NXPH1: variants seen among roughly 807,000 people sequenced by gnomAD.
The protein encoded by NXPH1 is neurexophilin-1.
A neutral mutation model predicts 23.7 loss-of-function variants in NXPH1; 5 were observed. The ratio of observed to expected loss-of-function variants is 0.21; its 90% CI spans 0.11 to 0.44. NXPH1 has a LOEUF of 0.44. Among genes scored for constraint, NXPH1 ranks in the 20% least tolerant of loss-of-function variants. The probability of loss-of-function intolerance (pLI) is 0.99; values close to 1 mark genes in which losing one functional copy is unlikely to be tolerated. For missense variants in NXPH1, 324 were observed against 321.6 expected (o/e 1.01, Z -0.06); for synonymous variants, 144 against 122.2 (o/e 1.18, Z -1.18).
chr7:8,472,957 T>G (rs1343003779), intron 2 of NXPH1, among the ~76,000 whole-genome samples: 1 of 152,154 alleles, frequency 6.6e-6, no homozygotes, highest in Non-Finnish European at 1.5e-5. Context: ...ATATGGCCAA[T>G]CTACCTTGTC....
At chr7:8,726,496 C>G (rs1009829586) in intron 2 of NXPH1, among the ~76,000 whole-genome samples, 2 of 124,760 alleles carry the variant, frequency 1.6e-5, no homozygotes, top group Non-Finnish European at 3.3e-5. Context: ...TCCCCCCACC[C>G]CACAACAGTC....
At chr7:8,577,981 C>T (rs899730011) in intron 2 of NXPH1, among the ~76,000 whole-genome samples, 3 of 152,184 alleles carry the variant, frequency 2.0e-5, no homozygotes, top group Non-Finnish European at 4.4e-5. Context: ...CCCAGCGGAC[C>T]TCAGACAGAA....
In NXPH1 at chr7:8,435,739, T is replaced by C. The variant is rs1326020622; in HGVS notation, c.26T>C (p.Leu9Pro). 6.2e-7 allele frequency: 1 copy of C among 1,613,870 alleles called. No homozygotes were observed. Among genetic ancestry groups the C allele is most frequent in the South Asian group, 1.1e-5 (1 of 91,070 alleles). The change falls in exon 2 of 3, where the codon CTT (leucine) becomes CCT (proline). Residue 9 changes from leucine (L) to proline (P), a missense_variant. Coordinates refer to ENST00000405863, the MANE Select transcript of NXPH1 (RefSeq NM_152745.3). This position sits in a 1 kb window ranked among gnomAD's most constrained non-coding sequence, Gnocchi z 5.9. MQAACWYV[L>P]FLLQPTVYLV... The stretch of plus-strand genomic sequence containing the variant: ...ATGCAGGCTGCGTGCTGGTACGTGC[T>C]TTTCCTCCTGCAGCCCACCGTCTAC...
chr7:8,476,568 A>G (rs1208186234), intron 2 of NXPH1, among the ~76,000 whole-genome samples: 1 of 151,770 alleles, frequency 6.6e-6, no homozygotes, highest in Non-Finnish European at 1.5e-5. Context: ...TTTGATATAT[A>G]GGTGTTATGT....
intron 2 of NXPH1, among the ~76,000 whole-genome samples, chr7:8,680,565 A>AAAATG (rs1177361083): frequency 2.6e-4 from 40 of 152,384 alleles, no homozygotes; most frequent in African/African-American, 9.4e-4. Flanking sequence ...AAAGCATTTT[A>AAAATG]AAATGAAACA....
intron 2 of NXPH1, among the ~76,000 whole-genome samples, chr7:8,497,335 T>C (rs924490202): frequency 2.6e-5 from 4 of 152,310 alleles, no homozygotes; most frequent in African/African-American, 9.6e-5. Flanking sequence ...TGTACATGTG[T>C]CTTTATAGCA....
rs116246461 is a variant in NXPH1, at chr7:8,557,705, G to T, written c.54+121938G>T. On this transcript the variant is annotated intron_variant, in intron 2 of 2. Transcript: ENST00000405863. ...AAAAACATTTCCTTCTCAAGTAGCT[G>T]CTACCTTCTAAAGGCAGGACAAACC... Among the ~76,000 whole-genome samples, 326 of 151,710 alleles carry T rather than the reference G, an allele frequency of 2.1e-3. 1 individual carries two copies. The highest frequency in any genetic ancestry group is 6.8e-3 in the African/African-American group (281 of 41,474).
At chr7:8,576,466 C>T (rs182427346) in intron 2 of NXPH1, among the ~76,000 whole-genome samples, 1 of 152,192 alleles carries the variant, frequency 6.6e-6, no homozygotes, top group East Asian at 1.9e-4. Flanking sequence ...CGCAAGGAAA[C>T]CTTTCTTGAA....
intron 2 of NXPH1, among the ~76,000 whole-genome samples, chr7:8,614,712 T>C (rs1819697882): frequency 6.6e-6 from 1 of 151,968 alleles, no homozygotes; most frequent in South Asian, 2.1e-4. Flanking sequence ...AAAGTTGCCA[T>C]AAATATTTTA....
At chr7:8,699,383 C>A (rs951148469) in intron 2 of NXPH1, among the ~76,000 whole-genome samples, 1 of 151,950 alleles carries the variant, frequency 6.6e-6, no homozygotes, top group Non-Finnish European at 1.5e-5. Context: ...CTGATTTTCC[C>A]TTTGCAAATT....
chr7:8,745,197 C>T (rs1328130818), intron 2 of NXPH1, among the ~76,000 whole-genome samples: 2 of 152,056 alleles, frequency 1.3e-5, no homozygotes, highest in Non-Finnish European at 2.9e-5. Context: ...TTCTTTTTTT[C>T]CCCTTTCTTT....
chr7:8,482,196 G>T (rs1817085133), intron 2 of NXPH1, among the ~76,000 whole-genome samples: 1 of 152,298 alleles, frequency 6.6e-6, no homozygotes, highest in Non-Finnish European at 1.5e-5. Context: ...AAATTGCAGG[G>T]AAAGTGTTTC....
At chr7:8,514,441 A>G (rs1180427342) in intron 2 of NXPH1, among the ~76,000 whole-genome samples, 2 of 152,188 alleles carry the variant, frequency 1.3e-5, no homozygotes, top group Non-Finnish European at 2.9e-5. Context: ...CTTGGGAATC[A>G]GTCTCAAGTG....
At chr7:8,523,028 A>T (rs1395817418) in intron 2 of NXPH1, among the ~76,000 whole-genome samples, 2 of 152,230 alleles carry the variant, frequency 1.3e-5, no homozygotes, top group Non-Finnish European at 2.9e-5. Context: ...CCTCATCTGT[A>T]AAATGGGAAT....
chr7:8,666,893 T>G (rs1820780261), intron 2 of NXPH1, among the ~76,000 whole-genome samples: 1 of 152,026 alleles, frequency 6.6e-6, no homozygotes, highest in Non-Finnish European at 1.5e-5. Flanking sequence ...TTATTTCTAA[T>G]TTTGATTCTT....
At chr7:8,511,585 A>C (rs1341533725) in intron 2 of NXPH1, among the ~76,000 whole-genome samples, 1 of 152,110 alleles carries the variant, frequency 6.6e-6, no homozygotes, top group Non-Finnish European at 1.5e-5. Flanking sequence ...GTAGAACAAA[A>C]GAAGAAGCTG....
At chr7:8,679,595 T>C (rs901861652) in intron 2 of NXPH1, among the ~76,000 whole-genome samples, 12 of 152,332 alleles carry the variant, frequency 7.9e-5, no homozygotes, top group African/African-American at 2.4e-4. Flanking sequence ...TTAACTTTTG[T>C]TATTATTTTT....
At chr7:8,594,975 C>G (rs1819187369) in intron 2 of NXPH1, among the ~76,000 whole-genome samples, 1 of 151,928 alleles carries the variant, frequency 6.6e-6, no homozygotes. Flanking sequence ...AGGTAAGACT[C>G]AAAAGCTCTT....
intron 2 of NXPH1, among the ~76,000 whole-genome samples, chr7:8,563,792 G>A (rs190837843): frequency 4.6e-5 from 7 of 151,822 alleles, no homozygotes; most frequent in Non-Finnish European, 1.0e-4. Context: ...AATAATGCAC[G>A]CAGAAATTCT....
Sources: allele counts gnomAD v4.1 joint callset (sites outside exome capture counted in the v4.1 genomes callset), GRCh38; gene constraint gnomAD v4.1.1; non-coding constraint Gnocchi (gnomAD v3.1); transcripts MANE v1.5; gene names NCBI Gene and HGNC (gene_info 2026-07-23, HGNC 2026-07-21).